The following PLEKHA7 variants were observed in gnomAD, a reference collection of about 807,000 sequenced individuals.
PLEKHA7 encodes the protein pleckstrin homology domain-containing family A member 7.
A neutral mutation model predicts 170.0 loss-of-function variants in PLEKHA7; 104 were observed. That is an observed-to-expected ratio of 0.61 (90% CI 0.52 to 0.72). The LOEUF (loss-of-function observed/expected upper bound fraction) is 0.72, where lower values mean the gene tolerates loss of function less well. Ranked by LOEUF, PLEKHA7 falls within the 30% of genes least tolerant of loss-of-function variation. The pLI is 0.00. For missense variants in PLEKHA7, 1,615 were observed against 1,671.7 expected (o/e 0.97, Z 0.59); for synonymous variants, 648 against 660.8 (o/e 0.98, Z 0.30).
At chr11:16,793,496 G>A (rs1019886972) in intron 19 of PLEKHA7, among the ~76,000 whole-genome samples, 2 of 152,204 alleles carry the variant, frequency 1.3e-5, no homozygotes, top group East Asian at 3.9e-4. Context: ...CAGAACTCAT[G>A]TGTTTTACCC....
At chr11:16,952,442 T>C (rs1161664614) in intron 3 of PLEKHA7, among the ~76,000 whole-genome samples, 2 of 152,178 alleles carry the variant, frequency 1.3e-5, no homozygotes, top group Non-Finnish European at 2.9e-5. Flanking sequence ...AGCCCAGTAG[T>C]TCTGGGATGA....
chr11:16,896,827 C>T (rs1857023173), intron 3 of PLEKHA7, among the ~76,000 whole-genome samples: 1 of 152,198 alleles, frequency 6.6e-6, no homozygotes, highest in South Asian at 2.1e-4. Context: ...TCTTTGCACA[C>T]ACTGTTCCCT....
intron 3 of PLEKHA7, among the ~76,000 whole-genome samples, chr11:16,972,439 A>T (rs1406197378): frequency 6.8e-6 from 1 of 147,178 alleles, no homozygotes; most frequent in African/African-American, 2.5e-5. Flanking sequence ...TTTTTGAACC[A>T]GTCTCTCTGT....
chr11:16,980,737 C>A (rs1029565373), intron 3 of PLEKHA7, among the ~76,000 whole-genome samples: 1 of 152,032 alleles, frequency 6.6e-6, no homozygotes, highest in Non-Finnish European at 1.5e-5. Context: ...GCCTGGCCAA[C>A]ATGAAGAAAC....
At chr11:16,795,871 T>C (rs901629801) in intron 17 of PLEKHA7, among the ~76,000 whole-genome samples, 8 of 146,872 alleles carry the variant, frequency 5.4e-5, no homozygotes, top group African/African-American at 2.0e-4. Context: ...TTTTTTTTTT[T>C]TGAGATGGAG....
intron 10 of PLEKHA7, among the ~76,000 whole-genome samples, chr11:16,824,310 T>G (rs1225250224): frequency 1.3e-5 from 2 of 152,206 alleles, no homozygotes; most frequent in Non-Finnish European, 2.9e-5. Context: ...CAAGATGGCT[T>G]AAGGCCAGGA....
chr11:16,952,041 T>C (rs1298584659), intron 3 of PLEKHA7, among the ~76,000 whole-genome samples: 1 of 152,264 alleles, frequency 6.6e-6, no homozygotes, highest in Admixed American at 6.5e-5. Flanking sequence ...TAATGCACTA[T>C]ATCTGTGGGG....
intron 9 of PLEKHA7, among the ~76,000 whole-genome samples, chr11:16,835,110 A>G (rs1358290583): frequency 1.3e-5 from 2 of 149,456 alleles, no homozygotes; most frequent in Admixed American, 1.3e-4. Flanking sequence ...TCTCTACAAA[A>G]AATACAAAAA....
rs114291335 is a variant in PLEKHA7 at position 16,977,895 on chromosome 11, C to T, written c.221+36094G>A. Among the ~76,000 whole-genome samples, 446 of 152,266 alleles carry T rather than the reference C, an allele frequency of 2.9e-3. 2 individuals carry two copies. Among genetic ancestry groups the T allele is most frequent in the African/African-American group, 0.01 (426 of 41,554 alleles). On this transcript the variant is annotated intron_variant, in intron 3 of 26. Coordinates refer to ENST00000531066, the MANE Select transcript of PLEKHA7 (RefSeq NM_001329630.2). The stretch of plus-strand genomic sequence containing the variant: ...TGAGGTAGAGTATTTCCCTCATCCT[C>T]GGTCTGCTGTGAGGATGAAACAAGA...
chr11:16,835,366 T>C (rs1027338009), intron 9 of PLEKHA7, among the ~76,000 whole-genome samples: 3 of 152,180 alleles, frequency 2.0e-5, no homozygotes, highest in Admixed American at 6.5e-5. Flanking sequence ...TGAAGACAAA[T>C]AGGACTGAGG....
At chr11:16,881,788 C>T (rs1490967419) in intron 3 of PLEKHA7, among the ~76,000 whole-genome samples, 1 of 152,146 alleles carries the variant, frequency 6.6e-6, no homozygotes, top group South Asian at 2.1e-4. Context: ...ACAATGGCTC[C>T]TTATCAATAT....
chr11:16,778,779 T>G lies in PLEKHA7; in HGVS notation c.*219A>C, dbSNP rs1349736904. On this transcript the variant is annotated 3_prime_UTR_variant, in exon 27 of 27. Transcript: ENST00000531066. ...TGTATTTTACAGTGTATATCAAAAG[T>G]GCCTTTGCCATTCATATGTAGAGAG... 3.4e-6 allele frequency: 2 copies of G among 596,848 alleles called. No homozygotes were observed. Among genetic ancestry groups the G allele is most frequent in the East Asian group, 2.8e-5 (1 of 36,118 alleles). 37.0% of individuals were successfully genotyped at this position (596,848 alleles called of 1,614,324 possible).
chr11:16,969,916 A>G (rs1862605485), intron 3 of PLEKHA7, among the ~76,000 whole-genome samples: 1 of 152,230 alleles, frequency 6.6e-6, no homozygotes, highest in Non-Finnish European at 1.5e-5. Flanking sequence ...TTACTAGTAC[A>G]TACACTATTA....
At chr11:16,819,902 A>G (rs1850078123) in intron 10 of PLEKHA7, among the ~76,000 whole-genome samples, 1 of 152,224 alleles carries the variant, frequency 6.6e-6, no homozygotes, top group African/African-American at 2.4e-5. Context: ...ACAATGGTTA[A>G]TAATAATGTA....
intron 3 of PLEKHA7, among the ~76,000 whole-genome samples, chr11:16,877,545 AAGGGG>A (rs1231687153): frequency 6.6e-6 from 1 of 152,214 alleles, no homozygotes; most frequent in Non-Finnish European, 1.5e-5. Context: ...TGGCATTTCT[AAGGGG>A]ATTGAGAATC....
chr11:16,968,907 C>T (rs976208601), intron 3 of PLEKHA7, among the ~76,000 whole-genome samples: 1 of 152,212 alleles, frequency 6.6e-6, no homozygotes, highest in African/African-American at 2.4e-5. Flanking sequence ...CCCCCATACC[C>T]ACCTATGCCA....
At chr11:16,893,634 A>G (rs1369590684) in intron 3 of PLEKHA7, among the ~76,000 whole-genome samples, 1 of 152,226 alleles carries the variant, frequency 6.6e-6, no homozygotes, top group African/African-American at 2.4e-5. Flanking sequence ...GAGCAGTAAC[A>G]GAAGGAGAAA....
intron 3 of PLEKHA7, among the ~76,000 whole-genome samples, chr11:16,905,770 G>A (rs1251688882): frequency 6.6e-6 from 1 of 152,196 alleles, no homozygotes; most frequent in Non-Finnish European, 1.5e-5. Context: ...TGGATTAGGC[G>A]CTGAGTAATC....
At chr11:16,800,260 T>C (rs1342153604) in intron 17 of PLEKHA7, among the ~76,000 whole-genome samples, 2 of 152,326 alleles carry the variant, frequency 1.3e-5, no homozygotes, top group Non-Finnish European at 1.5e-5. Flanking sequence ...GGTGGAAACC[T>C]GGTTAAGCAC....
Sources: allele counts gnomAD v4.1 joint callset (sites outside exome capture counted in the v4.1 genomes callset), GRCh38; gene constraint gnomAD v4.1.1; transcripts MANE v1.5; gene names NCBI Gene and HGNC (gene_info 2026-07-23, HGNC 2026-07-21).